ETFA: variants seen among roughly 807,000 people sequenced by gnomAD.
The protein encoded by ETFA is electron transfer flavoprotein subunit alpha, mitochondrial.
Under a neutral mutation model 46.2 loss-of-function variants are expected in ETFA, and 22 were observed. The observed-to-expected ratio is 0.48, with a 90% confidence interval of 0.34 to 0.68. ETFA has a LOEUF of 0.68. Ranked by LOEUF, ETFA falls within the 30% of genes least tolerant of loss-of-function variation. The pLI is 0.01. For synonymous variants in ETFA, 131 were observed against 139.9 expected (o/e 0.94, Z 0.45); for missense variants, 345 against 401.1 (o/e 0.86, Z 1.19).
intron 9 of ETFA, among the ~76,000 whole-genome samples, chr15:76,243,800 AAAAAAC>A (rs1341080163): frequency 7.1e-6 from 1 of 140,404 alleles, no homozygotes; most frequent in African/African-American, 2.5e-5. Flanking sequence ...CTCTGTCTCA[AAAAAAC>A]AAAAACAAAC....
chr15:76,286,536 A>T (rs948567753), intron 5 of ETFA, 55 bp from the exon 6 acceptor site: 30 of 1,061,020 alleles, frequency 2.8e-5, no homozygotes, highest in Non-Finnish European at 3.6e-5. Context: ...CAAAACTAGC[A>T]CTCCTTTGAT....
intron 9 of ETFA, among the ~76,000 whole-genome samples, chr15:76,235,176 C>T (rs2039110906): frequency 6.6e-6 from 1 of 152,166 alleles, no homozygotes; most frequent in Non-Finnish European, 1.5e-5. Flanking sequence ...TGTTGAGGCT[C>T]GTCCTTAGCA....
intron 9 of ETFA, among the ~76,000 whole-genome samples, chr15:76,255,100 A>G (rs1298351641): frequency 6.6e-6 from 1 of 152,190 alleles, no homozygotes; most frequent in East Asian, 1.9e-4. Flanking sequence ...AACCATGTCT[A>G]AAGATGCTGA....
intron 9 of ETFA, among the ~76,000 whole-genome samples, chr15:76,254,741 T>G (rs898395969): frequency 3.9e-5 from 6 of 152,230 alleles, no homozygotes; most frequent in Non-Finnish European, 8.8e-5. Context: ...CATCTGTATT[T>G]TTATGTTTCC....
intron 11 of ETFA, among the ~76,000 whole-genome samples, chr15:76,225,085 A>G (rs768768349): frequency 1.3e-5 from 2 of 152,148 alleles, no homozygotes; most frequent in Non-Finnish European, 2.9e-5. Flanking sequence ...GAGCATTCCT[A>G]TTGAGACAGA....
intron 7 of ETFA, 42 bp downstream of exon 7, chr15:76,285,595 G>T: frequency 9.4e-7 from 1 of 1,065,658 alleles, no homozygotes; most frequent in Non-Finnish European, 1.5e-6. Flanking sequence ...AAAAATCAAA[G>T]TATTTTCAAT....
At chr15:76,272,563 C>A (rs1448449913) in intron 9 of ETFA, among the ~76,000 whole-genome samples, 1 of 151,966 alleles carries the variant, frequency 6.6e-6, no homozygotes, top group African/African-American at 2.4e-5. Context: ...GGTTGTGGGT[C>A]TGCTGATCTT....
chr15:76,245,471 T>C (rs1420665427), intron 9 of ETFA, among the ~76,000 whole-genome samples: 1 of 152,240 alleles, frequency 6.6e-6, no homozygotes, highest in African/African-American at 2.4e-5. Context: ...CAGTCCTAGC[T>C]GTATACAAGT....
chr15:76,310,759 T>C (rs1469063912), intron 1 of ETFA, among the ~76,000 whole-genome samples: 7 of 151,998 alleles, frequency 4.6e-5, no homozygotes, highest in Admixed American at 4.6e-4. Context: ...GGATCGCAGG[T>C]TTTACAAATA....
intron 11 of ETFA, among the ~76,000 whole-genome samples, chr15:76,218,983 G>A (rs570064275): frequency 7.2e-5 from 11 of 152,274 alleles, no homozygotes; most frequent in African/African-American, 2.4e-4. Flanking sequence ...AGAAGGAGAA[G>A]AGAATAGCAT....
At chr15:76,218,443 G>T (rs1490316739) in intron 11 of ETFA, among the ~76,000 whole-genome samples, 4 of 151,958 alleles carry the variant, frequency 2.6e-5, no homozygotes, top group African/African-American at 9.7e-5. Context: ...AATTTTTTTT[G>T]TATTTTTAGT....
intron 9 of ETFA, among the ~76,000 whole-genome samples, chr15:76,241,576 G>A (rs11637855): frequency 0.25 from 37,335 of 151,610 alleles, 5,536 homozygotes; most frequent in East Asian, 0.56. Context: ...TGAGGCAGGC[G>A]GATCACGAGG....
intron 1 of ETFA, 60 bp from the exon 2 acceptor site, chr15:76,295,797 T>A: frequency 6.9e-7 from 1 of 1,451,102 alleles, no homozygotes. Flanking sequence ...TTTTTTTTTT[T>A]TTTTTTACTA....
intron 9 of ETFA, among the ~76,000 whole-genome samples, chr15:76,268,321 G>A (rs879745951): frequency 1.3e-4 from 20 of 152,066 alleles, no homozygotes; most frequent in South Asian, 1.0e-3. Context: ...ACCATGGAGC[G>A]GGAGACTGGA....
At chr15:76,285,259 G>C (rs1368565857) in intron 7 of ETFA, among the ~76,000 whole-genome samples, 1 of 152,168 alleles carries the variant, frequency 6.6e-6, no homozygotes, top group Non-Finnish European at 1.5e-5. Context: ...ATCTTTCCAA[G>C]TGGAAAGAAG....
intron 1 of ETFA, among the ~76,000 whole-genome samples, chr15:76,310,968 A>AG (rs764055959): frequency 4.6e-5 from 7 of 152,026 alleles, no homozygotes; most frequent in Non-Finnish European, 1.0e-4. Flanking sequence ...TTTCCCCAAC[A>AG]GGGCATTCCC....
chr15:76,290,618 G>A (rs977804772), intron 4 of ETFA, among the ~76,000 whole-genome samples: 14 of 151,830 alleles, frequency 9.2e-5, no homozygotes, highest in South Asian at 2.1e-4. Flanking sequence ...GATTACAGGC[G>A]TCAGCCACCG....
intron 10 of ETFA, chr15:76,230,374 C>T (rs1466006710): frequency 6.0e-5 from 4 of 67,216 alleles, no homozygotes; most frequent in African/African-American, 2.1e-4. Context: ...CTACAGGCGC[C>T]CGCTACCACG....
intron 9 of ETFA, among the ~76,000 whole-genome samples, chr15:76,246,975 T>G (rs1418010215): frequency 6.6e-6 from 1 of 152,206 alleles, no homozygotes; most frequent in Non-Finnish European, 1.5e-5. Flanking sequence ...TAAATATCAA[T>G]TGCATTCCTA....
Sources: allele counts gnomAD v4.1 joint callset (sites outside exome capture counted in the v4.1 genomes callset), GRCh38; gene constraint gnomAD v4.1.1; transcripts MANE v1.5; gene names NCBI Gene and HGNC (gene_info 2026-07-23, HGNC 2026-07-21).